RPH3A: variants seen among roughly 807,000 people sequenced by gnomAD.
RPH3A encodes the protein rabphilin-3A.
Under a neutral mutation model 102.2 loss-of-function variants are expected in RPH3A, and 48 were observed. The ratio of observed to expected loss-of-function variants is 0.47; its 90% CI spans 0.37 to 0.60. RPH3A has a LOEUF of 0.60. RPH3A is among the 20% of genes least tolerant of loss of function. The pLI is 0.00. For synonymous variants in RPH3A, 310 were observed against 324.3 expected (o/e 0.96, Z 0.47); for missense variants, 781 against 910.1 (o/e 0.86, Z 1.83).
At chr12:112,698,144 A>C (rs889061863) in intron 1 of RPH3A, among the ~76,000 whole-genome samples, 1 of 152,252 alleles carries the variant, frequency 6.6e-6, no homozygotes, top group Non-Finnish European at 1.5e-5. Flanking sequence ...GTGCCAAGAC[A>C]GTCCAATGAA....
intron 11 of RPH3A, 152 bp from the exon 12 acceptor site, chr12:112,875,527 G>T (rs2042780906): frequency 3.1e-6 from 2 of 646,226 alleles, no homozygotes; most frequent in South Asian, 2.0e-5. Flanking sequence ...AAATCCAAAA[G>T]CTCCTCTCCC....
intron 1 of RPH3A, among the ~76,000 whole-genome samples, chr12:112,773,586 G>C (rs548970600): frequency 6.8e-4 from 104 of 152,140 alleles, no homozygotes; most frequent in African/African-American, 2.2e-3. Flanking sequence ...AATGATTAAA[G>C]CTCTTTGCAG....
intron 5 of RPH3A, among the ~76,000 whole-genome samples, chr12:112,858,137 C>T (rs867751176): frequency 5.9e-5 from 9 of 151,464 alleles, no homozygotes; most frequent in South Asian, 2.1e-4. Flanking sequence ...CGTAGTGGCA[C>T]GCACCTGGAG....
At chr12:112,838,020 G>A (rs2042082635) in intron 4 of RPH3A, among the ~76,000 whole-genome samples, 1 of 152,084 alleles carries the variant, frequency 6.6e-6, no homozygotes, top group African/African-American at 2.4e-5. Context: ...TATGTCTAGT[G>A]GAGTCTACAA....
intron 1 of RPH3A, among the ~76,000 whole-genome samples, chr12:112,781,319 C>G (rs1163886563): frequency 1.3e-5 from 2 of 152,200 alleles, no homozygotes; most frequent in Admixed American, 1.3e-4. Context: ...TCTCTCTGTT[C>G]ATTTACTTTG....
chr12:112,697,337 G>A (rs2040360005), intron 1 of RPH3A, among the ~76,000 whole-genome samples: 1 of 152,088 alleles, frequency 6.6e-6, no homozygotes, highest in African/African-American at 2.4e-5. Context: ...AATAAGTATT[G>A]CAAAATGAGA....
intron 1 of RPH3A, among the ~76,000 whole-genome samples, chr12:112,717,188 A>T (rs2040518975): frequency 6.6e-6 from 1 of 152,166 alleles, no homozygotes; most frequent in South Asian, 2.1e-4. Flanking sequence ...AAATTTATAG[A>T]TAGTAAAATT....
chr12:112,578,088 CA>C (rs1269806114), intron 1 of RPH3A, among the ~76,000 whole-genome samples: 2 of 152,180 alleles, frequency 1.3e-5, no homozygotes, highest in African/African-American at 4.8e-5. Context: ...CAGACTCTGA[CA>C]TAGGACACCT....
Position 112,836,674 on chromosome 12 carries a change from A to C in RPH3A, c.83+172A>C, listed in dbSNP as rs537044445. On this transcript the variant is annotated intron_variant, in intron 4 of 21. Transcript: ENST00000389385. ...AAAACACCCACACCCATCTTAGGAA[A>C]AAATATTTATAAAATTAAAAAAAAA... is the stretch of plus-strand genomic sequence containing the variant. Among the ~76,000 whole-genome samples the C allele has an allele frequency of 2.6e-5, 4 of 152,256 alleles. No homozygotes were observed. In the South Asian group the frequency reaches 8.3e-4, roughly 32 times the overall value.
chr12:112,717,036 C>T (rs1190947087), intron 1 of RPH3A, among the ~76,000 whole-genome samples: 3 of 152,120 alleles, frequency 2.0e-5, no homozygotes, highest in Non-Finnish European at 4.4e-5. Flanking sequence ...GTTCTTCGTC[C>T]CATTTAATTC....
At chr12:112,820,642 G>C (rs907064841) in intron 2 of RPH3A, among the ~76,000 whole-genome samples, 1 of 152,242 alleles carries the variant, frequency 6.6e-6, no homozygotes, top group Non-Finnish European at 1.5e-5. Flanking sequence ...GAAGTAGGTA[G>C]TGCTGGGATG....
chr12:112,648,447 G>C (rs1229183441), intron 1 of RPH3A, among the ~76,000 whole-genome samples: 1 of 150,754 alleles, frequency 6.6e-6, no homozygotes, highest in Non-Finnish European at 1.5e-5. Context: ...AAAATTACTG[G>C]TTAGGCCAGG....
chr12:112,667,966 T>C (rs1280709371), intron 1 of RPH3A, among the ~76,000 whole-genome samples: 1 of 152,232 alleles, frequency 6.6e-6, no homozygotes, highest in African/African-American at 2.4e-5. Context: ...TTTGACCTAG[T>C]TAAGCCCACT....
chr12:112,583,617 G>A (rs957709500), intron 1 of RPH3A, among the ~76,000 whole-genome samples: 7 of 152,130 alleles, frequency 4.6e-5, no homozygotes, highest in African/African-American at 1.7e-4. Flanking sequence ...TCCTCTTCTA[G>A]CCTTACTATT....
intron 1 of RPH3A, among the ~76,000 whole-genome samples, chr12:112,725,222 C>G (rs2040578568): frequency 7.4e-6 from 1 of 135,910 alleles, no homozygotes; most frequent in South Asian, 2.5e-4. Flanking sequence ...GCACTCCAGC[C>G]TAGGTGACAG....
At chr12:112,893,654 A>C (rs1190123000) in intron 19 of RPH3A, 2 of 152,238 alleles carry the variant, frequency 1.3e-5, no homozygotes, top group Admixed American at 6.6e-5. Flanking sequence ...CAGCTTCCTG[A>C]GTACCTGGGA....
At chr12:112,731,954 C>T (rs1405049599) in intron 1 of RPH3A, among the ~76,000 whole-genome samples, 1 of 152,212 alleles carries the variant, frequency 6.6e-6, no homozygotes, top group African/African-American at 2.4e-5. Flanking sequence ...TTTTGACAGG[C>T]TTTCAGTGGG....
At chr12:112,877,102 A>T (rs2042816134) in intron 13 of RPH3A, among the ~76,000 whole-genome samples, 1 of 152,190 alleles carries the variant, frequency 6.6e-6, no homozygotes, top group African/African-American at 2.4e-5. Context: ...AATACAAATA[A>T]CATCAATGGT....
At chr12:112,589,769 G>T (rs1490540783) in intron 1 of RPH3A, among the ~76,000 whole-genome samples, 1 of 152,174 alleles carries the variant, frequency 6.6e-6, no homozygotes. Context: ...GAACACAGAA[G>T]ATGCATAATA....
Sources: allele counts gnomAD v4.1 joint callset (sites outside exome capture counted in the v4.1 genomes callset), GRCh38; gene constraint gnomAD v4.1.1; transcripts MANE v1.5; gene names NCBI Gene and HGNC (gene_info 2026-07-23, HGNC 2026-07-21).